Variants in PLK3 observed in about 807,000 individuals in gnomAD.
PLK3 encodes polo like kinase 3.
A neutral mutation model predicts 71.6 loss-of-function variants in PLK3; 41 were observed. The observed-to-expected ratio is 0.57, with a 90% confidence interval of 0.45 to 0.74. PLK3 has a LOEUF of 0.74. Among genes scored for constraint, PLK3 ranks in the 30% least tolerant of loss-of-function variants. The probability of loss-of-function intolerance (pLI) is 0.00; values close to 1 mark genes in which losing one functional copy is unlikely to be tolerated. For synonymous variants in PLK3, 366 were observed against 355.4 expected, an observed-to-expected ratio of 1.03 and a Z score of -0.33; for missense variants, 791 against 875.6, an observed-to-expected ratio of 0.90 and a Z score of 1.22.
intron 3 of PLK3, 30 bp downstream of exon 3, chr1:44,801,182 G>C (rs199779849): frequency 3.4e-6 from 3 of 887,762 alleles, no homozygotes; most frequent in East Asian, 2.4e-5. Context: ...GCAGGGATGA[G>C]AGTGAGGGAG....
rs1185531330 is a variant in PLK3 at position 44,805,649 on chromosome 1, C to T, written c.1912C>T (p.Arg638Cys). The change falls in exon 15 of 15, where the codon CGC becomes TGC. Residue 638 changes from arginine (R) to cysteine (C), a missense_variant. By Grantham distance (180) the Arg-to-Cys change is radical. Coordinates refer to ENST00000372201, the MANE Select transcript of PLK3 (RefSeq NM_004073.4). ...DLRQRLRYAL[R>C]LLRDRSPA ...GCGGCAGCGACTCCGCTATGCTCTG[C>T]GCCTGCTCCGGGACCGCAGCCCAGC... 6.8e-6 allele frequency: 11 copies of T among 1,613,424 alleles called. No individual in the cohort carries two copies. In the South Asian group the frequency reaches 8.8e-5, roughly 13 times the overall value.
rs761184514 is a variant in PLK3 at position 44,801,829 on chromosome 1, C to A, written c.566-16C>A. 1.2e-6 allele frequency: 2 copies of A among 1,612,528 alleles called. No individual in the cohort carries two copies. The highest frequency in any genetic ancestry group is 2.2e-5 in the South Asian group (2 of 90,914). On this transcript the variant is annotated splice_polypyrimidine_tract_variant and intron_variant, in intron 4 of 14. Coordinates refer to ENST00000372201, the MANE Select transcript of PLK3 (RefSeq NM_004073.4). ...AGGAAGGAAAGAATCTGACACACCTCTCTTGCCCCATCTAGGAAATTTTTT... is the reference window on the plus strand; with the variant it reads ...AGGAAGGAAAGAATCTGACACACCTATCTTGCCCCATCTAGGAAATTTTTT...
intron 14 of PLK3, 23 bp from the exon 15 acceptor site, chr1:44,805,464 C>T: frequency 6.2e-7 from 1 of 1,613,102 alleles, no homozygotes; most frequent in Non-Finnish European, 8.5e-7. Context: ...TAGGTCCTGA[C>T]CACTGTCATG....
chr1:44,804,190 C>T lies in PLK3; in HGVS notation c.1286C>T (p.Thr429Ile). ...DGFEEGLTVA[T>I]VVESALCALR... is the part of the protein sequence containing the mutation. ...TTTGAAGAAGGTCTGACTGTGGCCA[C>T]AGTAGTGGAGTCAGCCCTTTGTGCT... is the stretch of plus-strand genomic sequence containing the variant. The change falls in exon 11 of 15, where the codon ACA becomes ATA. Residue 429 changes from threonine (T) to isoleucine (I), a missense_variant. Transcript: ENST00000372201. The T allele has an allele frequency of 1.2e-6, 2 of 1,613,950 alleles. No individual in the cohort carries two copies. The highest frequency in any genetic ancestry group is 1.7e-6 in the Non-Finnish European group (2 of 1,179,832).
chr1:44,803,101 C>A lies in PLK3; in HGVS notation c.896C>A (p.Pro299His), dbSNP rs200000453. The A allele has an allele frequency of 1.2e-6, 2 of 1,613,908 alleles. No individual in the cohort carries two copies. Among genetic ancestry groups the A allele is most frequent in the East Asian group, 4.5e-5 (2 of 44,888 alleles). Residue 299 changes from proline (P) to histidine (H), a missense_variant, in exon 7 of 15, where the codon CCC (proline) becomes CAC (histidine). By Grantham distance (77) the Pro-to-His change is moderately conservative (BLOSUM62 -2). Transcript: ENST00000372201. The surrounding 1 kb of genome is among the most constrained non-coding windows in gnomAD (Gnocchi z 4.3). ...QLLAAILRAS[P>H]RDRPSIDQIL... The stretch of plus-strand genomic sequence containing the variant: ...CTGGCCGCCATCCTTCGGGCCTCAC[C>A]CCGAGACCGCCCCTCTATTGACCAG...
At chr1:44,802,704 C>CGG (rs1232341522) in intron 5 of PLK3, 56 bp from the exon 6 acceptor site, 2 of 1,208,320 alleles carry the variant, frequency 1.7e-6, no homozygotes, top group Non-Finnish European at 2.5e-6. Context: ...GGGAAGGAGT[C>CGG]GGGGGGCTGC....
In PLK3 at chr1:44,805,508, A is replaced by G. The variant is rs749265837; in HGVS notation, c.1771A>G (p.Thr591Ala). The G allele has an allele frequency of 1.9e-6, 3 of 1,614,012 alleles. No homozygotes were observed. Among genetic ancestry groups the G allele is most frequent in the Non-Finnish European group, 2.5e-6 (3 of 1,179,994 alleles). The change falls in exon 15 of 15, where the codon ACC (threonine) becomes GCC (alanine). Residue 591 changes from threonine to alanine, a missense_variant. Thr to Ala is a moderately conservative substitution (Grantham distance 58). Coordinates refer to ENST00000372201, the MANE Select transcript of PLK3 (RefSeq NM_004073.4). ...GCAGGTGAACTTCTACGGGGACCAC[A>G]CCAAGCTGATTCTCAGTGGCTGGGA... ...TVQVNFYGDH[T>A]KLILSGWEPL...
chr1:44,804,948 A>C, intron 13 of PLK3, 169 bp downstream of exon 13: 1 of 656,430 alleles, frequency 1.5e-6, no homozygotes, highest in Admixed American at 3.0e-5. Flanking sequence ...TACTAAAAAT[A>C]CAACAAATTA....
In PLK3 at chr1:44,805,714, A is replaced by G; in HGVS notation, c.*36A>G. 6.3e-7 allele frequency: 1 copy of G among 1,595,478 alleles called. No individual in the cohort carries two copies. The highest frequency in any genetic ancestry group is 8.5e-7 in the Non-Finnish European group (1 of 1,170,304). On this transcript the variant is annotated 3_prime_UTR_variant, in exon 15 of 15. Coordinates refer to ENST00000372201, the MANE Select transcript of PLK3 (RefSeq NM_004073.4). ...CTGAGGCCTGAGGCCTGTGCCTGTC[A>G]GGCTCTGGCCCTTGCCTTTGTGGCC...
Position 44,800,866 on chromosome 1 carries a change from C to G in PLK3, c.237C>G (p.Ala79=), listed in dbSNP as rs1463059281. 6.2e-7 allele frequency: 1 copy of G among 1,611,508 alleles called. No homozygotes were observed. The highest frequency in any genetic ancestry group is 2.2e-5 in the East Asian group (1 of 44,856). ...GGGGCTTCGCCCGCTGCTACGAGGCCACTGACACAGAGACTGGCAGCGCCT... is the reference window on the plus strand; with the variant it reads ...GGGGCTTCGCCCGCTGCTACGAGGCGACTGACACAGAGACTGGCAGCGCCT... ...GKGGFARCYE[A]TDTETGSAYA... Residue 79 remains alanine (A), a synonymous_variant, in exon 2 of 15, where the codon GCC becomes GCG. Coordinates refer to ENST00000372201, the MANE Select transcript of PLK3 (RefSeq NM_004073.4). The surrounding 1 kb of genome is among the most constrained non-coding windows in gnomAD (Gnocchi z 6.5).
rs1651894671 is a variant in PLK3 at position 44,803,213 on chromosome 1, A to C, written c.949-55A>C. ...GTATTCCCAGGGATTGAAAGGGGGC[A>C]GGTGACAGGACCCCTGGAGCCTCTC... On this transcript the variant is annotated intron_variant, in intron 7 of 14. Transcript: ENST00000372201. This position sits in a 1 kb window ranked among gnomAD's most constrained non-coding sequence, Gnocchi z 4.3. The C allele has an allele frequency of 6.2e-7, 1 of 1,611,550 alleles. No homozygotes were observed. Among genetic ancestry groups the C allele is most frequent in the Admixed American group, 1.7e-5 (1 of 59,930 alleles).
In PLK3 at chr1:44,805,218, G is replaced by A. The variant is rs114354167; in HGVS notation, c.1636-48G>A. ...GGATAAGGCATACACTAATGGGGAGGGGGCTGTCTCACGCTGGATCAGTGA... is the reference window on the plus strand; with the variant it reads ...GGATAAGGCATACACTAATGGGGAGAGGGCTGTCTCACGCTGGATCAGTGA... On this transcript the variant is annotated intron_variant, in intron 13 of 14. Coordinates refer to ENST00000372201, the MANE Select transcript of PLK3 (RefSeq NM_004073.4). 431 of 1,218,050 alleles carry A rather than the reference G, an allele frequency of 3.5e-4. 1 individual carries two copies. The African/African-American group carries it at 5.4e-3, about 15-fold the overall frequency. The allele number at this position is 1,218,050 out of a possible 1,614,324, so 75.5% of individuals were successfully genotyped here. A position where few individuals can be genotyped will look rare whatever the true frequency, so the allele number is the denominator to read the frequency against.
At chr1:44,802,255 GT>G (rs1651857828) in intron 5 of PLK3, among the ~76,000 whole-genome samples, 1 of 152,168 alleles carries the variant, frequency 6.6e-6, no homozygotes, top group South Asian at 2.1e-4. Context: ...CAGCGTGTAT[GT>G]GTGTGTGAGA....
rs781392903 is a variant in PLK3 at position 44,803,143 on chromosome 1, T to A, written c.938T>A (p.Phe313Tyr). 1 of 1,613,676 alleles carries A rather than the reference T, an allele frequency of 6.2e-7. No individual in the cohort carries two copies. ...ATTGACCAGATCCTGCGCCATGACTTCTTTACCAAGGTCTGTGGCTCCCCA... is the reference window on the plus strand; with the variant it reads ...ATTGACCAGATCCTGCGCCATGACTACTTTACCAAGGTCTGTGGCTCCCCA... ...PSIDQILRHD[F>Y]FTKGYTPDRL... The change falls in exon 7 of 15, where the codon TTC becomes TAC. Residue 313 changes from phenylalanine to tyrosine, a missense_variant. Coordinates refer to ENST00000372201, the MANE Select transcript of PLK3 (RefSeq NM_004073.4). This position sits in a 1 kb window ranked among gnomAD's most constrained non-coding sequence, Gnocchi z 4.3.
In PLK3 at chr1:44,800,783, C is replaced by T. The variant is rs1031717959; in HGVS notation, c.211-57C>T. 1 of 1,557,538 alleles carries T rather than the reference C, an allele frequency of 6.4e-7. No homozygotes were observed. The highest frequency in any genetic ancestry group is 8.7e-7 in the Non-Finnish European group (1 of 1,151,524). On this transcript the variant is annotated intron_variant, in intron 1 of 14. Coordinates refer to ENST00000372201, the MANE Select transcript of PLK3 (RefSeq NM_004073.4). The surrounding 1 kb of genome is among the most constrained non-coding windows in gnomAD (Gnocchi z 6.5). ...GCACTTGACCCCCAACGCGGGGACG[C>T]CCGCGGGCCAGACTCGGCCCCCCTG...
At chr1:44,801,960 T>A in intron 5 of PLK3, 28 bp downstream of exon 5, 2 of 1,540,032 alleles carry the variant, frequency 1.3e-6, no homozygotes, top group Non-Finnish European at 1.8e-6. Context: ...GGGCCCTGTG[T>A]GTGATACAGA....
rs555840434 is a variant in PLK3 at position 44,803,431 on chromosome 1, T to A, written c.1072+40T>A. Reference sequence around the variant, plus strand: ...TCAGTGGGTTGAGGGGGCAGAGCAGTAGAGCGGCTTGTCACATTTGTCTTG... The same window carrying A: ...TCAGTGGGTTGAGGGGGCAGAGCAGAAGAGCGGCTTGTCACATTTGTCTTG... On this transcript the variant is annotated intron_variant, in intron 8 of 14. Transcript: ENST00000372201. This position sits in a 1 kb window ranked among gnomAD's most constrained non-coding sequence, Gnocchi z 4.3. The A allele has an allele frequency of 1.7e-4, 282 of 1,612,044 alleles. 5 individuals carry two copies. In the South Asian group the frequency reaches 2.9e-3, roughly 17 times the overall value.
At position 44,805,395 on chromosome 1, in the gene PLK3, G is replaced by A. The variant is rs761894062; in HGVS notation, c.1749+16G>A. 1.2e-6 allele frequency: 2 copies of A among 1,610,498 alleles called. No individual in the cohort carries two copies. The highest frequency in any genetic ancestry group is 1.7e-6 in the Non-Finnish European group (2 of 1,176,730). ...CACTGTCCAGGTAAGAGCCTATCCA[G>A]GAGTTGCGGGAAGGTCTGGGAGGCC... On this transcript the variant is annotated intron_variant, in intron 14 of 14. Transcript: ENST00000372201.
chr1:44,800,709 G>C lies in PLK3; in HGVS notation c.210+36G>C. The C allele has an allele frequency of 6.5e-7, 1 of 1,544,104 alleles. No homozygotes were observed. The highest frequency in any genetic ancestry group is 1.2e-5 in the South Asian group (1 of 84,732). On this transcript the variant is annotated intron_variant, in intron 1 of 14. Transcript: ENST00000372201. This position sits in a 1 kb window ranked among gnomAD's most constrained non-coding sequence, Gnocchi z 6.5. ...GGACGTCCGCGGGGTGGTGATGGTG[G>C]AGGTGGGGGTCCCGGCCGGCCTCTT...
Sources: allele counts gnomAD v4.1 joint callset (sites outside exome capture counted in the v4.1 genomes callset), GRCh38; gene constraint gnomAD v4.1.1; non-coding constraint Gnocchi (gnomAD v3.1); transcripts MANE v1.5; gene names NCBI Gene and HGNC (gene_info 2026-07-23, HGNC 2026-07-21).